Variants in TAF1 observed in about 807,000 individuals in gnomAD.
TAF1 encodes the protein transcription initiation factor TFIID subunit 1.
In TAF1, 2 loss-of-function variants were observed where a neutral mutation model predicts 138.5. The observed-to-expected ratio is 0.01, with a 90% CI of 0.01 to 0.05. The LOEUF is 0.05. Ranked by LOEUF, TAF1 falls within the 10% of genes least tolerant of loss-of-function variation. The probability of loss-of-function intolerance (pLI) is 1.00; values close to 1 mark genes in which losing one functional copy is unlikely to be tolerated. For missense variants in TAF1, 709 were observed against 1,478.0 expected (o/e 0.48, Z 8.53); for synonymous variants, 437 against 503.2 (o/e 0.87, Z 1.76).
chrX:71,457,632 A>T (rs1234976948), intron 34 of TAF1, among the ~76,000 whole-genome samples: 2 of 111,676 alleles, frequency 1.8e-5, no homozygotes, highest in Non-Finnish European at 3.8e-5. Flanking sequence ...TCTCACAACA[A>T]CCCTGTGAGG....
At chrX:71,477,654 C>A (rs773794016) in intron 13 of TAF1, among the ~76,000 whole-genome samples, 22 of 111,919 alleles carry the variant, frequency 2.0e-4, no homozygotes, top group African/African-American at 6.5e-4. Context: ...ACATAAAGGG[C>A]AAATCATAAA....
chrX:71,445,834 A>G (rs1226537787), intron 32 of TAF1, among the ~76,000 whole-genome samples: 1 of 111,284 alleles, frequency 9.0e-6, no homozygotes, highest in Non-Finnish European at 1.9e-5. Context: ...GGATGTATGT[A>G]TCATAATTTA....
intron 32 of TAF1, among the ~76,000 whole-genome samples, chrX:71,445,915 A>ATTT (rs749778368): frequency 6.4e-5 from 6 of 93,524 alleles, no homozygotes; most frequent in African/African-American, 2.3e-4. Context: ...GTTGTTCACT[A>ATTT]TTTTTTTTTT....
chrX:71,451,474 T>A (rs1234644002), intron 32 of TAF1, among the ~76,000 whole-genome samples: 1 of 110,095 alleles, frequency 9.1e-6, no homozygotes, highest in Admixed American at 9.6e-5. Flanking sequence ...TTTTATTTTT[T>A]ATTTTTTTTT....
chrX:71,437,938 C>T (rs778745742), intron 32 of TAF1, among the ~76,000 whole-genome samples: 12 of 104,940 alleles, frequency 1.1e-4, no homozygotes, highest in Non-Finnish European at 1.2e-4. Flanking sequence ...TGGATTCAAA[C>T]GTTTCTCCTG....
chrX:71,478,821 C>T (rs1442513076), intron 13 of TAF1, among the ~76,000 whole-genome samples: 1 of 112,131 alleles, frequency 8.9e-6, no homozygotes, highest in Non-Finnish European at 1.9e-5. Context: ...CAGGAATAGC[C>T]AATAAACGTG....
chrX:71,424,031 A>G lies in TAF1; in HGVS notation c.4633A>G (p.Ile1545Val). The G allele has an allele frequency of 3.3e-6, 4 of 1,209,567 alleles. No homozygotes were observed. The highest frequency in any genetic ancestry group is 4.5e-6 in the Non-Finnish European group (4 of 894,756). ...KKFVPDYYKV[I>V]VNPMDLETIR... is the part of the protein sequence containing the mutation. The stretch of plus-strand genomic sequence containing the variant: ...ATTTGTTCCAGATTATTACAAAGTG[A>G]TTGTCAATCCAATGGATTTAGAGAC... The change falls in exon 31 of 38, where the codon ATT becomes GTT. Residue 1545 changes from isoleucine (I) to valine (V), a missense_variant. Around this residue, in one of 14 missense-constraint regions of TAF1, gnomAD observed 36 missense variants for 47.3 expected, o/e 0.76. Transcript: ENST00000423759.
chrX:71,406,537 C>T, intron 25 of TAF1, 101 bp from the exon 26 acceptor site: 2 of 809,710 alleles, frequency 2.5e-6, no homozygotes, highest in East Asian at 3.5e-5. Flanking sequence ...TCGCTAGGCT[C>T]GTGCTTAGGT....
intron 13 of TAF1, among the ~76,000 whole-genome samples, chrX:71,489,022 G>A (rs190195811): frequency 1.2e-3 from 128 of 105,064 alleles, no homozygotes; most frequent in African/African-American, 4.3e-3. Flanking sequence ...AGCCGAGATC[G>A]CACCACTGCA....
intron 13 of TAF1, among the ~76,000 whole-genome samples, chrX:71,490,450 G>A (rs1214770206): frequency 2.7e-5 from 3 of 110,146 alleles, no homozygotes; most frequent in Non-Finnish European, 5.7e-5. Context: ...TTTTTGAGAC[G>A]GAGTCTCTCT....
rs780717360 is a variant in TAF1, at chrX:71,384,996, T to C, written c.2173T>C (p.Tyr725His). 1.7e-6 allele frequency: 2 copies of C among 1,209,381 alleles called. No individual in the cohort carries two copies. Among genetic ancestry groups the C allele is most frequent in the South Asian group, 1.8e-5 (1 of 56,696 alleles). ...AGATTGTAAATATGGGGAAACTGTT[T>C]ACTGCCATACATCTCCTTTCCTGGG... The part of the protein sequence containing the change: ...APDCKYGETV[Y>H]CHTSPFLGSL... Residue 725 changes from tyrosine to histidine, a missense_variant, in exon 14 of 38, where the codon TAC becomes CAC. Tyr to His is a moderately conservative substitution (Grantham distance 83). Coordinates refer to ENST00000423759, the MANE Select transcript of TAF1 (RefSeq NM_004606.5).
intron 28 of TAF1, among the ~76,000 whole-genome samples, chrX:71,412,350 A>G (rs958314265): frequency 5.5e-5 from 6 of 108,744 alleles, no homozygotes; most frequent in African/African-American, 1.7e-4. Context: ...GCTGGCCTCA[A>G]ACTCCTGGGC....
intron 3 of TAF1, among the ~76,000 whole-genome samples, chrX:71,374,300 C>T (rs1397993362): frequency 9.0e-6 from 1 of 110,690 alleles, no homozygotes; most frequent in Non-Finnish European, 1.9e-5. Context: ...CCAGGCTGGT[C>T]TCTGAACTCC....
chrX:71,385,152 T>A, intron 14 of TAF1, 103 bp downstream of exon 14: 1 of 581,672 alleles, frequency 1.7e-6, no homozygotes, highest in Non-Finnish European at 2.7e-6. Flanking sequence ...ATTGAGATGC[T>A]TTAATTTTAA....
intron 13 of TAF1, among the ~76,000 whole-genome samples, chrX:71,511,749 C>T (rs2039734704): frequency 8.9e-6 from 1 of 112,065 alleles, no homozygotes; most frequent in Non-Finnish European, 1.9e-5. Flanking sequence ...GGCGCAGTGG[C>T]TCATGCCTGT....
intron 32 of TAF1, among the ~76,000 whole-genome samples, chrX:71,436,467 G>A (rs771585604): frequency 3.5e-4 from 38 of 108,500 alleles, no homozygotes; most frequent in African/African-American, 1.2e-3. Flanking sequence ...CGCCTGCCTC[G>A]GCCTCCCAAA....
intron 13 of TAF1, among the ~76,000 whole-genome samples, chrX:71,472,724 G>A (rs1433486760): frequency 9.0e-6 from 1 of 111,130 alleles, no homozygotes; most frequent in African/African-American, 3.3e-5. Flanking sequence ...CAGTGAGACT[G>A]CATCTCAAAA....
chrX:71,495,827 G>A (rs927222008), intron 13 of TAF1, among the ~76,000 whole-genome samples: 7 of 112,025 alleles, frequency 6.2e-5, no homozygotes, highest in African/African-American at 2.3e-4. Context: ...ATGGACTTGA[G>A]CTTTGAGGGG....
At chrX:71,382,430 C>T (rs1329704113) in intron 9 of TAF1, 106 bp from the exon 10 acceptor site, 2 of 1,092,413 alleles carry the variant, frequency 1.8e-6, no homozygotes, top group Middle Eastern at 3.7e-4. Flanking sequence ...TAGTTAAGAC[C>T]TTCACTGGAA....
Sources: allele counts gnomAD v4.1 joint callset (sites outside exome capture counted in the v4.1 genomes callset), GRCh38; gene constraint gnomAD v4.1.1; regional missense constraint gnomAD v4.1.1; transcripts MANE v1.5; gene names NCBI Gene and HGNC (gene_info 2026-07-23, HGNC 2026-07-21).